Variants in GALNT13 observed in about 807,000 individuals in gnomAD.
The protein encoded by GALNT13 is UDP-GalNAc:polypeptide N-acetylgalactosaminyltransferase 13.
GALNT13 carries 28 observed loss-of-function variants against 64.2 expected under a neutral mutation model. The ratio of observed to expected loss-of-function variants is 0.44; its 90% CI spans 0.32 to 0.60. The LOEUF (loss-of-function observed/expected upper bound fraction) is 0.60, where lower values mean the gene tolerates loss of function less well. Ranked by LOEUF, GALNT13 falls within the 20% of genes least tolerant of loss-of-function variation. The probability of loss-of-function intolerance (pLI) is 0.05; values close to 1 mark genes in which losing one functional copy is unlikely to be tolerated. For missense variants in GALNT13, 577 were observed against 669.8 expected, an observed-to-expected ratio of 0.86 and a Z score of 1.53; for synonymous variants, 214 against 224.6, an observed-to-expected ratio of 0.95 and a Z score of 0.42.
At chr2:153,421,365 A>T in the GALNT13 span, 1 of 225,092 alleles carries the variant, frequency 4.4e-6, no homozygotes. Context: ...AACAGATGCC[A>T]TAGATGGCCT....
chr2:153,628,282 C>T, the GALNT13 span, among the ~76,000 whole-genome samples: 3 of 151,492 alleles, frequency 2.0e-5, no homozygotes, highest in South Asian at 2.1e-4. Flanking sequence ...ACAATCATGT[C>T]GTCTGCAAAC....
intron 4 of GALNT13, among the ~76,000 whole-genome samples, chr2:154,222,730 G>A (rs552755589): frequency 2.6e-5 from 4 of 152,156 alleles, no homozygotes; most frequent in Admixed American, 2.0e-4. Flanking sequence ...TTCCCTGTTT[G>A]TGATGCACTT....
At chr2:154,369,767 A>G (rs1178744109) in intron 9 of GALNT13, among the ~76,000 whole-genome samples, 1 of 152,048 alleles carries the variant, frequency 6.6e-6, no homozygotes, top group African/African-American at 2.4e-5. Flanking sequence ...TAATTCCTCA[A>G]AGTGCTGGAG....
At chr2:153,529,964 C>T in the GALNT13 span, among the ~76,000 whole-genome samples, 1 of 151,954 alleles carries the variant, frequency 6.6e-6, no homozygotes, top group African/African-American at 2.4e-5. Flanking sequence ...AACAAAAAGG[C>T]TTTACTCTAA....
At chr2:153,108,200 G>T in the GALNT13 span, among the ~76,000 whole-genome samples, 1 of 152,026 alleles carries the variant, frequency 6.6e-6, no homozygotes, top group Non-Finnish European at 1.5e-5. Flanking sequence ...TCTTATAGGT[G>T]GTTCATAGTA....
chr2:153,275,603 A>G, the GALNT13 span, among the ~76,000 whole-genome samples: 1 of 146,300 alleles, frequency 6.8e-6, no homozygotes, highest in South Asian at 2.2e-4. Context: ...TAGCAGCATA[A>G]AATGGACTGA....
chr2:154,433,821 A>C (rs1004592894), intron 11 of GALNT13, among the ~76,000 whole-genome samples: 6 of 152,016 alleles, frequency 3.9e-5, no homozygotes, highest in Non-Finnish European at 5.9e-5. Context: ...TATCTACTCC[A>C]ATACATTGTA....
chr2:153,979,787 A>G (rs1336833970), intron 3 of GALNT13, among the ~76,000 whole-genome samples: 1 of 152,206 alleles, frequency 6.6e-6, no homozygotes, highest in Non-Finnish European at 1.5e-5. Context: ...CATCTACGTG[A>G]GGCTGATATG....
At chr2:153,902,781 T>C (rs1413140228) in intron 2 of GALNT13, among the ~76,000 whole-genome samples, 3 of 152,072 alleles carry the variant, frequency 2.0e-5, no homozygotes, top group African/African-American at 7.2e-5. Context: ...TAATGACTAA[T>C]GTCATCCCCA....
intron 3 of GALNT13, among the ~76,000 whole-genome samples, chr2:154,054,689 A>C (rs1234402873): frequency 6.6e-6 from 1 of 152,028 alleles, no homozygotes; most frequent in Non-Finnish European, 1.5e-5. Context: ...GAGGGAGGGT[A>C]CTTCATAATT....
At chr2:153,260,692 G>A in the GALNT13 span, among the ~76,000 whole-genome samples, 125,694 of 152,092 alleles carry the variant, frequency 0.83, 53,139 homozygotes, top group African/African-American at 0.91. Flanking sequence ...TGGGTTGAAT[G>A]TGCTTGGTGT....
At chr2:153,791,805 T>A in the GALNT13 span, among the ~76,000 whole-genome samples, 1 of 152,146 alleles carries the variant, frequency 6.6e-6, no homozygotes. Context: ...CCATCATTCT[T>A]AGCAAACTAA....
At chr2:153,424,279 GAA>G in the GALNT13 span, among the ~76,000 whole-genome samples, 1 of 151,050 alleles carries the variant, frequency 6.6e-6, no homozygotes, top group African/African-American at 2.4e-5. Context: ...ATGTTTAGGA[GAA>G]AAAAAGATAA....
At chr2:153,594,074 A>G in the GALNT13 span, among the ~76,000 whole-genome samples, 1 of 152,266 alleles carries the variant, frequency 6.6e-6, no homozygotes, top group South Asian at 2.1e-4. Flanking sequence ...TTAATTTTAT[A>G]AAGTCAAACC....
intron 11 of GALNT13, among the ~76,000 whole-genome samples, chr2:154,430,033 C>T (rs937357976): frequency 6.6e-6 from 1 of 152,142 alleles, no homozygotes; most frequent in Non-Finnish European, 1.5e-5. Context: ...TGATAATTTA[C>T]TCAGTCACCC....
the GALNT13 span, among the ~76,000 whole-genome samples, chr2:153,577,867 T>G: frequency 6.6e-6 from 1 of 150,876 alleles, no homozygotes; most frequent in African/African-American, 2.4e-5. Context: ...TGAATGAACT[T>G]TATTCTATAT....
chr2:153,414,388 A>AT, the GALNT13 span, among the ~76,000 whole-genome samples: 3 of 146,626 alleles, frequency 2.0e-5, no homozygotes, highest in African/African-American at 8.1e-5. Context: ...AATAAAAATA[A>AT]AAAAAAAATA....
the GALNT13 span, among the ~76,000 whole-genome samples, chr2:153,682,954 G>A: frequency 6.6e-5 from 10 of 151,684 alleles, no homozygotes; most frequent in Non-Finnish European, 2.9e-5. Flanking sequence ...TTATTATAGT[G>A]ATTGTTTCTA....
the GALNT13 span, among the ~76,000 whole-genome samples, chr2:153,208,997 G>C: frequency 5.9e-5 from 1 of 16,926 alleles, no homozygotes; most frequent in African/African-American, 1.8e-4. Flanking sequence ...TTTTTTTTTT[G>C]AGACGGAGTC....
Sources: gnomAD v4.1 joint callset for allele counts (sites outside exome capture counted in the v4.1 genomes callset) on GRCh38, gnomAD v4.1.1 for gene constraint, MANE v1.5 for transcripts, NCBI Gene and HGNC (gene_info 2026-07-23, HGNC 2026-07-21) for gene names.